ARHGAP15: variants seen among roughly 807,000 people sequenced by gnomAD.
ARHGAP15 encodes the protein rho GTPase-activating protein 15.
A neutral mutation model predicts 63.7 loss-of-function variants in ARHGAP15; 51 were observed. The observed-to-expected ratio is 0.80, with a 90% CI of 0.64 to 1.01. The LOEUF (loss-of-function observed/expected upper bound fraction) is 1.01. ARHGAP15 is among the 50% of genes least tolerant of loss of function. ARHGAP15 has a pLI of 0.00. For synonymous variants in ARHGAP15, 191 were observed against 193.8 expected (o/e 0.99, Z 0.12); for missense variants, 560 against 564.6 (o/e 0.99, Z 0.08).
At chr2:143,475,383 G>A (rs560414301) in intron 8 of ARHGAP15, among the ~76,000 whole-genome samples, 1 of 152,212 alleles carries the variant, frequency 6.6e-6, no homozygotes, top group Non-Finnish European at 1.5e-5. Context: ...TTCCTGTGGG[G>A]GAGGGCATCA....
intron 6 of ARHGAP15, among the ~76,000 whole-genome samples, chr2:143,397,133 GT>G (rs1687797355): frequency 6.6e-6 from 1 of 152,106 alleles, no homozygotes; most frequent in Admixed American, 6.6e-5. Flanking sequence ...ACAGATGGAA[GT>G]AGATCCAGAT....
At position 143,474,807 on chromosome 2, in the gene ARHGAP15, G is replaced by A. The variant is rs376805713; in HGVS notation, c.704-12566G>A. 4.7e-4 allele frequency among the ~76,000 whole-genome samples: 71 copies of A among 152,328 alleles called. No individual in the cohort carries two copies. The Middle Eastern group carries it at 0.014, about 29-fold the overall frequency. The stretch of plus-strand genomic sequence containing the variant: ...AGACTCCAACATGAACTGTGCCCAA[G>A]AATGGGGTTATCTGACGGTCAACAA... On this transcript the variant is annotated intron_variant, in intron 8 of 13. Transcript: ENST00000295095.
At chr2:143,593,473 A>G (rs1009975070) in intron 11 of ARHGAP15, among the ~76,000 whole-genome samples, 3 of 152,194 alleles carry the variant, frequency 2.0e-5, no homozygotes, top group Non-Finnish European at 4.4e-5. Context: ...TTTTATTTTG[A>G]TGTTAGAAGA....
At chr2:143,327,685 A>G (rs1034843942) in intron 6 of ARHGAP15, among the ~76,000 whole-genome samples, 3 of 152,234 alleles carry the variant, frequency 2.0e-5, no homozygotes, top group African/African-American at 7.2e-5. Context: ...ACCATGCAGG[A>G]CATAGGCATG....
intron 6 of ARHGAP15, among the ~76,000 whole-genome samples, chr2:143,317,424 A>T (rs1438792238): frequency 6.6e-6 from 1 of 152,258 alleles, no homozygotes; most frequent in Non-Finnish European, 1.5e-5. Context: ...AACAATAGGC[A>T]TATATTGCAC....
chr2:143,274,464 A>G (rs558802360), intron 6 of ARHGAP15, among the ~76,000 whole-genome samples: 1 of 152,310 alleles, frequency 6.6e-6, no homozygotes, highest in Admixed American at 6.5e-5. Context: ...AATTGATTCT[A>G]TTTGTTCTTT....
chr2:143,739,176 A>C (rs1214744964), intron 13 of ARHGAP15, among the ~76,000 whole-genome samples: 1 of 151,498 alleles, frequency 6.6e-6, no homozygotes, highest in Non-Finnish European at 1.5e-5. Context: ...CTTAGGGGCA[A>C]ACAGTGATCG....
intron 2 of ARHGAP15, among the ~76,000 whole-genome samples, chr2:143,174,770 T>G (rs1370771440): frequency 6.6e-6 from 1 of 152,128 alleles, no homozygotes; most frequent in Non-Finnish European, 1.5e-5. Context: ...GGAGGGACAA[T>G]GGAGCTACTC....
intron 6 of ARHGAP15, among the ~76,000 whole-genome samples, chr2:143,360,496 A>T (rs1428799370): frequency 1.4e-5 from 2 of 145,048 alleles, no homozygotes; most frequent in Non-Finnish European, 3.0e-5. Context: ...CACGATATAA[A>T]TTTTAGCAAA....
Position 143,374,296 on chromosome 2 carries a change from C to T in ARHGAP15, c.475-61305C>T, listed in dbSNP as rs191167605. 1.8e-3 allele frequency among the ~76,000 whole-genome samples: 275 copies of T among 152,232 alleles called. 3 individuals carry two copies. Among genetic ancestry groups the T allele is most frequent in the South Asian group, 3.9e-3 (19 of 4,822 alleles). ...TATTGTCACTGGAATGTACCACTTT[C>T]ACCTGGAGCCACACTATTTGGTGTC... On this transcript the variant is annotated intron_variant, in intron 6 of 13. Transcript: ENST00000295095.
At chr2:143,540,826 A>G (rs1695014208) in intron 10 of ARHGAP15, among the ~76,000 whole-genome samples, 1 of 151,964 alleles carries the variant, frequency 6.6e-6, no homozygotes, top group South Asian at 2.1e-4. Flanking sequence ...CCTTCATTTC[A>G]ACTTTGGTGA....
intron 12 of ARHGAP15, among the ~76,000 whole-genome samples, chr2:143,628,841 T>C (rs1698948198): frequency 6.6e-6 from 1 of 152,222 alleles, no homozygotes; most frequent in Non-Finnish European, 1.5e-5. Context: ...TAAAACATCA[T>C]GTCAGTTGAT....
At chr2:143,432,065 A>C (rs1273477284) in intron 6 of ARHGAP15, among the ~76,000 whole-genome samples, 1 of 152,180 alleles carries the variant, frequency 6.6e-6, no homozygotes, top group Admixed American at 6.6e-5. Flanking sequence ...ATTATTTATA[A>C]AAGATTGGCA....
chr2:143,656,867 C>A, intron 12 of ARHGAP15, among the ~76,000 whole-genome samples: 1 of 151,404 alleles, frequency 6.6e-6, no homozygotes, highest in Admixed American at 6.6e-5. Context: ...AGAACTTGGT[C>A]ACAAAGACCT....
intron 12 of ARHGAP15, among the ~76,000 whole-genome samples, chr2:143,657,990 A>G (rs1474851274): frequency 1.3e-5 from 2 of 152,210 alleles, no homozygotes; most frequent in African/African-American, 4.8e-5. Flanking sequence ...TTTTGAAAAC[A>G]TCCCTATGCG....
chr2:143,673,008 G>T (rs1004236640), intron 12 of ARHGAP15, among the ~76,000 whole-genome samples: 1 of 151,944 alleles, frequency 6.6e-6, no homozygotes, highest in Non-Finnish European at 1.5e-5. Flanking sequence ...AATATAAGAG[G>T]CATTAAGAAT....
At chr2:143,514,383 T>C (rs1693715822) in intron 9 of ARHGAP15, among the ~76,000 whole-genome samples, 1 of 152,208 alleles carries the variant, frequency 6.6e-6, no homozygotes, top group African/African-American at 2.4e-5. Context: ...ATAAATAATT[T>C]AAATTTTAAG....
intron 10 of ARHGAP15, among the ~76,000 whole-genome samples, chr2:143,542,802 T>C (rs1466793721): frequency 8.5e-6 from 1 of 117,304 alleles, no homozygotes; most frequent in Non-Finnish European, 1.8e-5. Flanking sequence ...ATCACATATA[T>C]AGTATATATA....
chr2:143,523,727 A>T (rs1191850458), intron 10 of ARHGAP15, among the ~76,000 whole-genome samples: 1 of 152,122 alleles, frequency 6.6e-6, no homozygotes, highest in Non-Finnish European at 1.5e-5. Context: ...ATTCATTTGG[A>T]ATATGTCTTA....
Sources: gnomAD v4.1 joint callset for allele counts (sites outside exome capture counted in the v4.1 genomes callset) on GRCh38, gnomAD v4.1.1 for gene constraint, MANE v1.5 for transcripts, NCBI Gene and HGNC (gene_info 2026-07-23, HGNC 2026-07-21) for gene names.